The following PCDH7 variants were observed in gnomAD, a reference collection of about 807,000 sequenced individuals.
PCDH7 encodes protocadherin 7.
In PCDH7, 17 loss-of-function variants were observed where a neutral mutation model predicts 58.9. The observed-to-expected ratio is 0.29, with a 90% CI of 0.20 to 0.43. PCDH7 has a LOEUF of 0.43. PCDH7 is among the 20% of genes least tolerant of loss of function. The pLI, the probability that PCDH7 is intolerant of heterozygous loss-of-function variation, is 1.00. For missense variants in PCDH7, 1,274 were observed against 1,441.0 expected (o/e 0.88, Z 1.88); for synonymous variants, 664 against 616.4 (o/e 1.08, Z -1.14).
chr4:30,835,399 A>T (rs1034359613), intron 1 of PCDH7, among the ~76,000 whole-genome samples: 16 of 152,142 alleles, frequency 1.1e-4, no homozygotes, highest in Admixed American at 6.5e-4. Flanking sequence ...TGAAGGATCT[A>T]GGTGGCATGG....
At chr4:30,993,678 T>C (rs556969334) in intron 3 of PCDH7, among the ~76,000 whole-genome samples, 38 of 152,244 alleles carry the variant, frequency 2.5e-4, no homozygotes, top group Middle Eastern at 3.4e-3. Flanking sequence ...AGAAGTTTTA[T>C]TTTTTATTAT....
intron 3 of PCDH7, among the ~76,000 whole-genome samples, chr4:31,064,331 A>G (rs1757915688): frequency 6.6e-6 from 1 of 151,978 alleles, no homozygotes; most frequent in South Asian, 2.1e-4. Context: ...GCCCATGTCC[A>G]TGCGTTGTCA....
exon 1 of PCDH7, chr4:30,724,001 C>T: frequency 6.2e-7 from 1 of 1,614,148 alleles, no homozygotes; most frequent in South Asian, 1.1e-5. Flanking sequence ...TTGCACATCC[C>T]ACTCACCCAG....
chr4:30,954,561 G>C (rs2109451489), intron 3 of PCDH7, among the ~76,000 whole-genome samples: 1 of 152,150 alleles, frequency 6.6e-6, no homozygotes, highest in South Asian at 2.1e-4. Flanking sequence ...AAACAACAGG[G>C]AACATGTATC....
chr4:30,813,543 G>A (rs1727270682), intron 1 of PCDH7, among the ~76,000 whole-genome samples: 1 of 152,214 alleles, frequency 6.6e-6, no homozygotes, highest in South Asian at 2.1e-4. Flanking sequence ...ACTAATAGTA[G>A]TGCATCATAT....
chr4:30,831,420 A>G (rs1729760089), intron 1 of PCDH7, among the ~76,000 whole-genome samples: 1 of 152,168 alleles, frequency 6.6e-6, no homozygotes, highest in African/African-American at 2.4e-5. Flanking sequence ...AATGAGTATA[A>G]CAACTATACA....
In PCDH7 at chr4:30,935,943, G is replaced by T. The variant is rs574554128; in HGVS notation, c.288-14177G>T. Among the ~76,000 whole-genome samples, 11 of 152,026 alleles carry T rather than the reference G, an allele frequency of 7.2e-5. No homozygotes were observed. The South Asian group carries it at 2.3e-3, about 32-fold the overall frequency. The stretch of plus-strand genomic sequence containing the variant: ...AAAGGCTTCATGAAGTAATCTAAAG[G>T]CACCACGTCATCACAGTGTCAGAGA... On this transcript the variant is annotated intron_variant, in intron 2 of 3. Coordinates refer to the PCDH7 transcript ENST00000509759.
intron 1 of PCDH7, among the ~76,000 whole-genome samples, chr4:30,902,846 C>T (rs902755543): frequency 4.6e-5 from 7 of 152,174 alleles, no homozygotes; most frequent in Admixed American, 1.3e-4. Context: ...TCTACTATTG[C>T]CTCATAGATT....
rs142632404 is a variant in PCDH7 at position 30,843,179 on chromosome 4, A to G, written c.71-76974A>G. On this transcript the variant is annotated intron_variant, in intron 1 of 3. Transcript: ENST00000509759. ...TTTTTTGGACACTTCTTCACATTCC[A>G]TCTTTCGAATATAGAACTTTATTAT... Among the ~76,000 whole-genome samples, 680 of 150,926 alleles carry G rather than the reference A, an allele frequency of 4.5e-3. 29 individuals are homozygous for G. The highest frequency in any genetic ancestry group is 0.04 in the Admixed American group (599 of 15,102).
chr4:31,146,403 A>G (rs1720675000), downstream of PCDH7: 1 of 152,118 alleles, frequency 6.6e-6, no homozygotes, highest in African/African-American at 2.4e-5. Context: ...GAGCATGATC[A>G]TGAATATAGT....
Position 31,040,632 on chromosome 4 carries a change from A to C in PCDH7, c.*7+90417A>C, listed in dbSNP as rs1227841432. ...GAGTTTAGGCCAGGTTGGCCAAGTA[A>C]AAATGAAGCAAAAATTTACTCATTC... On this transcript the variant is annotated intron_variant, in intron 3 of 3. Coordinates refer to the PCDH7 transcript ENST00000509759. Among the ~76,000 whole-genome samples, 5 of 152,350 alleles carry C rather than the reference A, an allele frequency of 3.3e-5. No individual in the cohort carries two copies. The East Asian group carries it at 5.8e-4, about 18-fold the overall frequency.
chr4:31,130,515 T>C (rs1353727367), intron 3 of PCDH7, among the ~76,000 whole-genome samples: 1 of 152,202 alleles, frequency 6.6e-6, no homozygotes, highest in Non-Finnish European at 1.5e-5. Context: ...AACCAGAGAA[T>C]TGGGAATGTG....
chr4:30,943,743 A>T (rs1235057256), intron 2 of PCDH7, among the ~76,000 whole-genome samples: 2 of 150,324 alleles, frequency 1.3e-5, no homozygotes, highest in Non-Finnish European at 3.0e-5. Flanking sequence ...TTTTTAGCTC[A>T]TCAGCTATCA....
intron 3 of PCDH7, among the ~76,000 whole-genome samples, chr4:31,040,789 C>A (rs1755801894): frequency 6.6e-6 from 1 of 152,012 alleles, no homozygotes; most frequent in South Asian, 2.1e-4. Context: ...CCAGATAAAT[C>A]CCCTCTGGCA....
At chr4:31,134,915 C>G (rs1719414079) in intron 3 of PCDH7, among the ~76,000 whole-genome samples, 1 of 152,140 alleles carries the variant, frequency 6.6e-6, no homozygotes, top group African/African-American at 2.4e-5. Flanking sequence ...AGCACAGTAT[C>G]ACTTCTGCCA....
At chr4:30,810,162 T>A (rs1336155289) in intron 1 of PCDH7, among the ~76,000 whole-genome samples, 1 of 152,198 alleles carries the variant, frequency 6.6e-6, no homozygotes, top group Non-Finnish European at 1.5e-5. Context: ...GTATGTTCCA[T>A]TAGCACAGAT....
At chr4:30,917,652 A>C (rs945362282) in intron 1 of PCDH7, among the ~76,000 whole-genome samples, 1 of 152,054 alleles carries the variant, frequency 6.6e-6, no homozygotes, top group African/African-American at 2.4e-5. Flanking sequence ...TTTTACTTCT[A>C]AAATAATTTA....
chr4:31,053,271 C>T (rs181874524), intron 3 of PCDH7, among the ~76,000 whole-genome samples: 1 of 152,222 alleles, frequency 6.6e-6, no homozygotes, highest in Non-Finnish European at 1.5e-5. Flanking sequence ...CCTTCTTCAC[C>T]CCTAGTCATT....
chr4:31,012,897 A>G (rs1287571380), intron 3 of PCDH7, among the ~76,000 whole-genome samples: 1 of 150,408 alleles, frequency 6.6e-6, no homozygotes, highest in Non-Finnish European at 1.5e-5. Context: ...GTGGTCCCAG[A>G]TACTCTAGAG....
Sources: gnomAD v4.1 joint callset for allele counts (sites outside exome capture counted in the v4.1 genomes callset) on GRCh38, gnomAD v4.1.1 for gene constraint, MANE v1.5 for transcripts, NCBI Gene and HGNC (gene_info 2026-07-23, HGNC 2026-07-21) for gene names.